Variants in ARPP21 observed in about 807,000 individuals in gnomAD.
The protein encoded by ARPP21 is cAMP-regulated phosphoprotein 21.
Under a neutral mutation model 113.2 loss-of-function variants are expected in ARPP21, and 69 were observed. The observed-to-expected ratio is 0.61, with a 90% confidence interval of 0.50 to 0.74. The LOEUF is 0.74. Among genes scored for constraint, ARPP21 ranks in the 30% least tolerant of loss-of-function variants. ARPP21 has a pLI of 0.00. For synonymous variants in ARPP21, 368 were observed against 375.5 expected, an observed-to-expected ratio of 0.98 and a Z score of 0.23; for missense variants, 1,070 against 1,037.4, an observed-to-expected ratio of 1.03 and a Z score of -0.43.
intron 19 of ARPP21, among the ~76,000 whole-genome samples, chr3:35,759,397 C>T (rs374260577): frequency 6.6e-5 from 10 of 152,050 alleles, no homozygotes; most frequent in Admixed American, 4.6e-4. Flanking sequence ...ATGCATATAC[C>T]GTTGTTGTTC....
intron 9 of ARPP21, among the ~76,000 whole-genome samples, chr3:35,700,789 A>G (rs1332412358): frequency 6.6e-6 from 1 of 151,870 alleles, no homozygotes; most frequent in Non-Finnish European, 1.5e-5. Context: ...TTATTTGTTT[A>G]TAGGTTTACT....
At chr3:35,665,657 C>A (rs1421763942) in intron 1 of ARPP21, among the ~76,000 whole-genome samples, 6 of 152,068 alleles carry the variant, frequency 3.9e-5, no homozygotes, top group Admixed American at 3.3e-4. Flanking sequence ...AGAAAAGAAT[C>A]CTCTGGGTAA....
intron 1 of ARPP21, among the ~76,000 whole-genome samples, chr3:35,660,293 C>T (rs1472606304): frequency 6.6e-6 from 1 of 152,154 alleles, no homozygotes; most frequent in African/African-American, 2.4e-5. Context: ...AAGATGGTAT[C>T]TATAAATGAT....
At chr3:35,675,006 C>T (rs1367504463) in intron 1 of ARPP21, among the ~76,000 whole-genome samples, 2 of 151,488 alleles carry the variant, frequency 1.3e-5, no homozygotes, top group African/African-American at 4.8e-5. Context: ...GCTCTGACAC[C>T]CAGTCAAAAC....
At chr3:35,728,469 TG>T (rs1249355075) in intron 14 of ARPP21, among the ~76,000 whole-genome samples, 2 of 151,656 alleles carry the variant, frequency 1.3e-5, no homozygotes, top group African/African-American at 4.8e-5. Context: ...CCACCTGCCT[TG>T]GCCTCCCAAA....
intron 1 of ARPP21, among the ~76,000 whole-genome samples, chr3:35,678,313 AG>A (rs2078026760): frequency 6.6e-6 from 1 of 151,964 alleles, no homozygotes; most frequent in Non-Finnish European, 1.5e-5. Flanking sequence ...ACTTGGAAAA[AG>A]TACAACAGAA....
At chr3:35,691,882 G>A (rs941644595) in intron 9 of ARPP21, among the ~76,000 whole-genome samples, 3 of 151,382 alleles carry the variant, frequency 2.0e-5, no homozygotes, top group African/African-American at 7.3e-5. Flanking sequence ...ATGCTCTTTA[G>A]AAATGTTACT....
chr3:35,662,929 A>G (rs2884792), intron 1 of ARPP21, among the ~76,000 whole-genome samples: 47,686 of 151,954 alleles, frequency 0.31, 7,770 homozygotes, highest in East Asian at 0.49. Flanking sequence ...TGAGTGGCAT[A>G]GGGAAGAAAG....
chr3:35,705,876 G>GA (rs564748413), intron 9 of ARPP21, among the ~76,000 whole-genome samples: 3 of 152,052 alleles, frequency 2.0e-5, no homozygotes, highest in African/African-American at 7.2e-5. Context: ...TTTAAGGAAA[G>GA]AAAAAAATGC....
chr3:35,687,653 C>T, intron 5 of ARPP21, 86 bp from the exon 6 acceptor site: 2 of 1,264,196 alleles, frequency 1.6e-6, no homozygotes, highest in Non-Finnish European at 2.2e-6. Context: ...TTTCATTTTT[C>T]TATACTTTAT....
At chr3:35,644,026 A>T (rs1164293798) in intron 1 of ARPP21, among the ~76,000 whole-genome samples, 1 of 152,002 alleles carries the variant, frequency 6.6e-6, no homozygotes, top group Non-Finnish European at 1.5e-5. Context: ...TGATTCTAGA[A>T]GCTCTACATT....
At chr3:35,745,555 CA>C (rs1054411970) in intron 19 of ARPP21, among the ~76,000 whole-genome samples, 1 of 152,084 alleles carries the variant, frequency 6.6e-6, no homozygotes, top group African/African-American at 2.4e-5. Context: ...AACGCAGTTA[CA>C]AAACATGCTG....
intron 18 of ARPP21, among the ~76,000 whole-genome samples, chr3:35,739,846 A>G (rs1407791423): frequency 1.3e-5 from 2 of 152,218 alleles, no homozygotes; most frequent in Admixed American, 6.5e-5. Context: ...TACAGAGACC[A>G]TAAGAAAGCA....
chr3:35,752,379 G>A (rs544762206), intron 19 of ARPP21, among the ~76,000 whole-genome samples: 1 of 151,926 alleles, frequency 6.6e-6, no homozygotes, highest in African/African-American at 2.4e-5. Context: ...AGTTGGAGGG[G>A]GTCAGCCTGT....
chr3:35,753,559 A>G (rs2095473412), intron 19 of ARPP21, among the ~76,000 whole-genome samples: 1 of 151,958 alleles, frequency 6.6e-6, no homozygotes, highest in Non-Finnish European at 1.5e-5. Context: ...CAATCATTTC[A>G]GTTTACTCTT....
intron 19 of ARPP21, among the ~76,000 whole-genome samples, chr3:35,782,515 G>A (rs1031422914): frequency 6.6e-6 from 1 of 151,978 alleles, no homozygotes; most frequent in Non-Finnish European, 1.5e-5. Flanking sequence ...GTATCCTCAA[G>A]AGGAAAAACC....
chr3:35,793,510 G>A (rs965571227), intron 20 of ARPP21, among the ~76,000 whole-genome samples, 191 bp from the exon 21 acceptor site: 7 of 152,254 alleles, frequency 4.6e-5, no homozygotes, highest in Middle Eastern at 3.4e-3. Flanking sequence ...TGTCATTATC[G>A]CAATGGACTA....
At chr3:35,707,328 C>T (rs1024465954) in intron 10 of ARPP21, 36 of 625,156 alleles carry the variant, frequency 5.8e-5, no homozygotes, top group Non-Finnish European at 8.9e-5. Flanking sequence ...TGGTGCTTGG[C>T]GCAGTTTCCG....
At chr3:35,700,713 G>T (rs980782192) in intron 9 of ARPP21, among the ~76,000 whole-genome samples, 4 of 151,688 alleles carry the variant, frequency 2.6e-5, no homozygotes, top group African/African-American at 9.7e-5. Context: ...TGTCAAAGTA[G>T]CACCAGAGAG....
Sources: gnomAD v4.1 joint callset for allele counts (sites outside exome capture counted in the v4.1 genomes callset) on GRCh38, gnomAD v4.1.1 for gene constraint, MANE v1.5 for transcripts, NCBI Gene and HGNC (gene_info 2026-07-23, HGNC 2026-07-21) for gene names.